CNTN5: variants seen among roughly 807,000 people sequenced by gnomAD.
The protein encoded by CNTN5 is contactin 5, also known as contactin-5.
Under a neutral mutation model 129.1 loss-of-function variants are expected in CNTN5, and 77 were observed. The observed-to-expected ratio is 0.60, with a 90% CI of 0.50 to 0.72. The LOEUF (loss-of-function observed/expected upper bound fraction) is 0.72, where lower values mean the gene tolerates loss of function less well. CNTN5 is among the 30% of genes least tolerant of loss of function. The probability of loss-of-function intolerance (pLI) is 0.00; values close to 1 mark genes in which losing one functional copy is unlikely to be tolerated. For synonymous variants in CNTN5, 509 were observed against 465.6 expected, an observed-to-expected ratio of 1.09 and a Z score of -1.20; for missense variants, 1,478 against 1,328.8, an observed-to-expected ratio of 1.11 and a Z score of -1.75.
intron 8 of CNTN5, among the ~76,000 whole-genome samples, chr11:99,975,579 A>G (rs1243362138): frequency 1.3e-5 from 2 of 152,128 alleles, no homozygotes; most frequent in Non-Finnish European, 2.9e-5. Flanking sequence ...TGCCTCAAAA[A>G]ACTTACAGTT....
At chr11:100,082,480 T>C (rs1944402807) in intron 13 of CNTN5, among the ~76,000 whole-genome samples, 1 of 152,070 alleles carries the variant, frequency 6.6e-6, no homozygotes, top group Non-Finnish European at 1.5e-5. Flanking sequence ...TTGGTAGAGA[T>C]GGGGTCTCAC....
intron 15 of CNTN5, among the ~76,000 whole-genome samples, chr11:100,218,670 C>A (rs1324856576): frequency 6.6e-6 from 1 of 152,170 alleles, no homozygotes; most frequent in African/African-American, 2.4e-5. Flanking sequence ...GTCTGTGAAA[C>A]CTTTCTGAAA....
At chr11:99,836,586 A>G (rs1404705103) in intron 4 of CNTN5, among the ~76,000 whole-genome samples, 4 of 152,262 alleles carry the variant, frequency 2.6e-5, no homozygotes, top group Non-Finnish European at 4.4e-5. Flanking sequence ...TATTGTGAAT[A>G]GTGCCACAGT....
chr11:99,263,428 G>T (rs1862737333), intron 1 of CNTN5, among the ~76,000 whole-genome samples: 1 of 152,028 alleles, frequency 6.6e-6, no homozygotes, highest in Admixed American at 6.6e-5. Flanking sequence ...TTGTACAAAA[G>T]TCTATTACAT....
intron 1 of CNTN5, among the ~76,000 whole-genome samples, chr11:99,130,311 A>G (rs992631262): frequency 6.6e-6 from 1 of 152,232 alleles, no homozygotes; most frequent in Admixed American, 6.5e-5. Context: ...AGGAGTTGCA[A>G]TCCTAGTTTC....
chr11:99,934,559 A>C (rs1366728923), intron 7 of CNTN5, among the ~76,000 whole-genome samples: 1 of 152,176 alleles, frequency 6.6e-6, no homozygotes, highest in Non-Finnish European at 1.5e-5. Flanking sequence ...TAGAAAAAAT[A>C]GTTTAATACG....
chr11:100,260,334 A>G (rs1053159440), intron 17 of CNTN5, among the ~76,000 whole-genome samples: 1 of 152,256 alleles, frequency 6.6e-6, no homozygotes, highest in Admixed American at 6.5e-5. Context: ...GCCCAGGACC[A>G]GACAGATTCA....
At chr11:99,624,380 C>G (rs1224211508) in intron 3 of CNTN5, among the ~76,000 whole-genome samples, 1 of 152,044 alleles carries the variant, frequency 6.6e-6, no homozygotes, top group Non-Finnish European at 1.5e-5. Flanking sequence ...AGTTTAGAAG[C>G]TGTCCTTCTA....
intron 15 of CNTN5, among the ~76,000 whole-genome samples, chr11:100,221,035 C>T (rs1949253387): frequency 1.3e-5 from 2 of 152,254 alleles, no homozygotes; most frequent in Middle Eastern, 3.4e-3. Context: ...TTGGGGGAGA[C>T]ATCTACGAAT....
At chr11:100,000,663 C>T (rs1265178193) in intron 8 of CNTN5, among the ~76,000 whole-genome samples, 1 of 152,210 alleles carries the variant, frequency 6.6e-6, no homozygotes, top group Admixed American at 6.5e-5. Flanking sequence ...GAGGCTCCAA[C>T]CCCGCCATTC....
chr11:99,242,271 A>G (rs2135761726), intron 1 of CNTN5, among the ~76,000 whole-genome samples: 1 of 152,258 alleles, frequency 6.6e-6, no homozygotes, highest in Non-Finnish European at 1.5e-5. Context: ...TCAATATTTG[A>G]TTGGTAGAAT....
intron 4 of CNTN5, among the ~76,000 whole-genome samples, chr11:99,842,695 A>T (rs1947550308): frequency 6.6e-6 from 1 of 152,186 alleles, no homozygotes; most frequent in Non-Finnish European, 1.5e-5. Flanking sequence ...TCTGCAAGTT[A>T]ATTCTTAAAA....
chr11:99,554,028 G>A (rs916241668), intron 2 of CNTN5, among the ~76,000 whole-genome samples: 1 of 146,414 alleles, frequency 6.8e-6, no homozygotes, highest in South Asian at 2.2e-4. Flanking sequence ...TTTTACAAGA[G>A]ATTTTAACAT....
chr11:99,133,601 G>A (rs1215462489), intron 1 of CNTN5, among the ~76,000 whole-genome samples: 6 of 43,682 alleles, frequency 1.4e-4, no homozygotes, highest in African/African-American at 4.4e-4. Context: ...CAAAGGATAG[G>A]AACAGACACT....
chr11:99,580,481 T>A (rs191640486), intron 3 of CNTN5, among the ~76,000 whole-genome samples: 3,142 of 152,120 alleles, frequency 0.021, 119 homozygotes, highest in African/African-American at 0.072. Context: ...TGGTTGGTAA[T>A]CTATTAATTA....
intron 7 of CNTN5, among the ~76,000 whole-genome samples, chr11:99,922,285 G>A (rs1949958615): frequency 6.6e-6 from 1 of 152,166 alleles, no homozygotes; most frequent in Admixed American, 6.6e-5. Context: ...TCACCCCCAT[G>A]ATTCAGTTAC....
intron 3 of CNTN5, among the ~76,000 whole-genome samples, chr11:99,727,291 C>T (rs923059194): frequency 1.5e-5 from 1 of 64,614 alleles, no homozygotes. Context: ...CCGGCCTGGG[C>T]GACAGAGCGA....
chr11:100,075,334 C>A (rs1944085066), intron 13 of CNTN5, among the ~76,000 whole-genome samples: 1 of 152,062 alleles, frequency 6.6e-6, no homozygotes. Context: ...GGGTGATCAC[C>A]TGGGATTGGG....
intron 1 of CNTN5, among the ~76,000 whole-genome samples, chr11:99,286,209 C>T (rs75429960): frequency 0.015 from 2,232 of 152,146 alleles, 56 homozygotes; most frequent in African/African-American, 0.051. Flanking sequence ...GAGAGGTACC[C>T]GCTCTGTTTC....
Sources: allele counts gnomAD v4.1 joint callset (sites outside exome capture counted in the v4.1 genomes callset), GRCh38; gene constraint gnomAD v4.1.1; transcripts MANE v1.5; gene names NCBI Gene and HGNC (gene_info 2026-07-23, HGNC 2026-07-21).